The following CHRNB3 variants were observed in gnomAD, a reference collection of about 807,000 sequenced individuals.
The protein encoded by CHRNB3 is neuronal acetylcholine receptor subunit beta-3.
CHRNB3 carries 37 observed loss-of-function variants against 40.6 expected under a neutral mutation model. That is an observed-to-expected ratio of 0.91 (90% CI 0.70 to 1.20). The LOEUF is 1.20. CHRNB3 is among the 50% of genes most tolerant of loss of function. CHRNB3 has a pLI of 0.00. For missense variants in CHRNB3, 505 were observed against 551.2 expected (o/e 0.92, Z 0.84); for synonymous variants, 207 against 207.1 (o/e 1.00, Z 0.00).
intron 3 of CHRNB3, among the ~76,000 whole-genome samples, chr8:42,724,823 A>C (rs901233167): frequency 4.0e-5 from 6 of 151,340 alleles, no homozygotes; most frequent in Admixed American, 3.3e-4. Flanking sequence ...TACTAAAAAT[A>C]CAAAAAAAAT....
At chr8:42,725,089 CTT>C (rs572194650) in intron 3 of CHRNB3, among the ~76,000 whole-genome samples, 4,169 of 136,350 alleles carry the variant, frequency 0.031, 75 homozygotes, top group Middle Eastern at 0.097. Flanking sequence ...TTCTTTCTTT[CTT>C]TTTTTTTTTT....
At chr8:42,704,763 A>G (rs969988337) in intron 1 of CHRNB3, among the ~76,000 whole-genome samples, 2 of 152,060 alleles carry the variant, frequency 1.3e-5, no homozygotes, top group Non-Finnish European at 2.9e-5. Flanking sequence ...GCCTCCATCC[A>G]TTGTGAGATG....
intron 2 of CHRNB3, among the ~76,000 whole-genome samples, chr8:42,710,157 G>A (rs184205173): frequency 3.3e-5 from 5 of 151,976 alleles, no homozygotes; most frequent in African/African-American, 7.2e-5. Context: ...TTTTCTGATC[G>A]AAACCAAACA....
At chr8:42,716,164 C>T (rs1816099992) in intron 3 of CHRNB3, among the ~76,000 whole-genome samples, 1 of 151,836 alleles carries the variant, frequency 6.6e-6, no homozygotes, top group East Asian at 1.9e-4. Flanking sequence ...TTCGTAGAGA[C>T]GAGGGTTTCA....
chr8:42,727,246 G>A (rs1056139779), intron 3 of CHRNB3, among the ~76,000 whole-genome samples: 2 of 151,764 alleles, frequency 1.3e-5, no homozygotes, highest in African/African-American at 4.8e-5. Context: ...GGTGGCACAT[G>A]CCTATAATCC....
At chr8:42,720,305 G>A (rs76613538) in intron 3 of CHRNB3, among the ~76,000 whole-genome samples, 8,443 of 151,078 alleles carry the variant, frequency 0.056, 309 homozygotes, top group Middle Eastern at 0.1. Context: ...TAGTAGAGAC[G>A]GGGTTTCACC....
chr8:42,713,199 T>A (rs1185810272), intron 3 of CHRNB3, among the ~76,000 whole-genome samples: 1 of 152,024 alleles, frequency 6.6e-6, no homozygotes, highest in Admixed American at 6.6e-5. Flanking sequence ...GGCCTTCACA[T>A]GGGTATAGTA....
Position 42,726,409 on chromosome 8 carries a change from G to A in CHRNB3, c.250-4185G>A, listed in dbSNP as rs554654147. ...GGTAAGCCAGGTCACAGGACATACG[G>A]TCAAAATGCAAAAGTAGATTGTATA... On this transcript the variant is annotated intron_variant, in intron 3 of 5. Transcript: ENST00000289957. Among the ~76,000 whole-genome samples, 16 of 151,992 alleles carry A rather than the reference G, an allele frequency of 1.1e-4. No individual in the cohort carries two copies. In the East Asian group the frequency reaches 3.1e-3, roughly 29 times the overall value.
intron 3 of CHRNB3, among the ~76,000 whole-genome samples, chr8:42,716,084 T>C (rs925579977): frequency 6.7e-6 from 1 of 148,914 alleles, no homozygotes; most frequent in African/African-American, 2.5e-5. Flanking sequence ...GTTCAAGTAA[T>C]TCTGCTTCAG....
At position 42,708,817 on chromosome 8, in the gene CHRNB3, T is replaced by C. The variant is rs756417837; in HGVS notation, c.153T>C (p.Asn51=). 1.2e-6 allele frequency: 2 copies of C among 1,614,014 alleles called. No individual in the cohort carries two copies. The highest frequency in any genetic ancestry group is 1.1e-5 in the South Asian group (1 of 91,056). ...GGGTCCGCCCTGTATTACATTCTAATGACACCATAAAAGTATATTTTGGAT... is the reference window on the plus strand; with the variant it reads ...GGGTCCGCCCTGTATTACATTCTAACGACACCATAAAAGTATATTTTGGAT... ...QKWVRPVLHS[N]DTIKVYFGLK... The change falls in exon 2 of 6, where the codon AAT becomes AAC. Residue 51 remains asparagine, a synonymous_variant. Transcript: ENST00000289957.
At chr8:42,730,203 T>A (rs77784937) in intron 3 of CHRNB3, among the ~76,000 whole-genome samples, 3,861 of 152,276 alleles carry the variant, frequency 0.025, 173 homozygotes, top group African/African-American at 0.088. Context: ...AGTTAGCATG[T>A]GATTTAAGTA....
At chr8:42,718,715 CTT>C (rs904709544) in intron 3 of CHRNB3, among the ~76,000 whole-genome samples, 1 of 144,864 alleles carries the variant, frequency 6.9e-6, no homozygotes, top group Admixed American at 6.8e-5. Context: ...AATTCGGGGA[CTT>C]TTTTTATAGT....
chr8:42,731,854 C>A lies in CHRNB3; in HGVS notation c.547C>A (p.Leu183Ile), dbSNP rs759795860. 3.7e-5 allele frequency: 60 copies of A among 1,613,962 alleles called. 1 individual carries two copies. The Middle Eastern group carries it at 8.2e-4, about 22-fold the overall frequency. The change falls in exon 5 of 6, where the codon CTC becomes ATC. Residue 183 changes from leucine to isoleucine, a missense_variant. Physicochemically the swap from Leu to Ile is conservative, Grantham distance 5 (BLOSUM62 2). Transcript: ENST00000289957. ...GACTTATGATGGCACCATGGTTGAC[C>A]TCATTTTGATCAATGAAAATGTCGA... The part of the protein sequence containing the change: ...SWTYDGTMVD[L>I]ILINENVDRK...
chr8:42,710,526 G>A (rs1815997520), intron 3 of CHRNB3, 92 bp downstream of exon 3: 4 of 1,005,216 alleles, frequency 4.0e-6, no homozygotes, highest in Non-Finnish European at 6.1e-6. Flanking sequence ...ATTTAAGAGG[G>A]CATATTGTGT....
Position 42,735,216 on chromosome 8 carries a change from T to C in CHRNB3, c.1243-1268T>C, listed in dbSNP as rs536001562. Among the ~76,000 whole-genome samples the C allele has an allele frequency of 5.4e-5, 8 of 149,190 alleles. No homozygotes were observed. In the East Asian group the frequency reaches 1.6e-3, roughly 30 times the overall value. ...GCCTGGGCGACAGAGCAAGACTCCGTCTCAAAAAACAAACAAACAAACAAA... is the reference window on the plus strand; with the variant it reads ...GCCTGGGCGACAGAGCAAGACTCCGCCTCAAAAAACAAACAAACAAACAAA... On this transcript the variant is annotated intron_variant, in intron 5 of 5. Transcript: ENST00000289957.
intron 1 of CHRNB3, 114 bp downstream of exon 1, chr8:42,697,712 T>C: frequency 1.2e-6 from 1 of 803,614 alleles, no homozygotes; most frequent in Non-Finnish European, 2.1e-6. Flanking sequence ...ACAAGATACA[T>C]TTAGGATAAC....
At position 42,708,780 on chromosome 8, in the gene CHRNB3, G is replaced by A. The variant is rs1227454895; in HGVS notation, c.116G>A (p.Gly39Asp). ...EDALLRHLFQ[G>D]YQKWVRPVLH... is the part of the protein sequence containing the mutation. ...GCCCTCCTCAGACATTTGTTCCAAG[G>A]TTATCAGAAATGGGTCCGCCCTGTA... Residue 39 changes from glycine to aspartate, a missense_variant, in exon 2 of 6, where the codon GGT becomes GAT. Coordinates refer to ENST00000289957, the MANE Select transcript of CHRNB3 (RefSeq NM_000749.5). The A allele has an allele frequency of 6.2e-7, 1 of 1,614,010 alleles. No individual in the cohort carries two copies. The highest frequency in any genetic ancestry group is 1.1e-5 in the South Asian group (1 of 91,060).
At position 42,707,040 on chromosome 8, in the gene CHRNB3, T is replaced by G. The variant is rs2128905000; in HGVS notation, c.53-1677T>G. On this transcript the variant is annotated intron_variant, in intron 1 of 5. Coordinates refer to ENST00000289957, the MANE Select transcript of CHRNB3 (RefSeq NM_000749.5). ...TCCCAAAGTGCTAGGATTACAGGTGTGAGCCACCATGCCTGGCCCACAGTT... is the reference window on the plus strand; with the variant it reads ...TCCCAAAGTGCTAGGATTACAGGTGGGAGCCACCATGCCTGGCCCACAGTT... Among the ~76,000 whole-genome samples, 3 of 152,332 alleles carry G rather than the reference T, an allele frequency of 2.0e-5. No homozygotes were observed. In the East Asian group the frequency reaches 5.8e-4, roughly 29 times the overall value.
intron 3 of CHRNB3, among the ~76,000 whole-genome samples, chr8:42,719,427 T>C (rs1164949531): frequency 6.6e-6 from 1 of 152,118 alleles, no homozygotes; most frequent in East Asian, 1.9e-4. Flanking sequence ...GGAGGATCAT[T>C]TGAGGCTAGG....
Sources: gnomAD v4.1 joint callset for allele counts (sites outside exome capture counted in the v4.1 genomes callset) on GRCh38, gnomAD v4.1.1 for gene constraint, MANE v1.5 for transcripts, NCBI Gene and HGNC (gene_info 2026-07-23, HGNC 2026-07-21) for gene names.